Variants in MYOT observed in about 807,000 individuals in gnomAD.
MYOT encodes the protein myotilin.
In MYOT, 36 loss-of-function variants were observed where a neutral mutation model predicts 58.0. The ratio of observed to expected loss-of-function variants is 0.62; its 90% confidence interval spans 0.48 to 0.82. The LOEUF (loss-of-function observed/expected upper bound fraction) is 0.82. MYOT is among the 40% of genes least tolerant of loss of function. MYOT has a pLI of 0.00. For missense variants in MYOT, 505 were observed against 592.1 expected, an observed-to-expected ratio of 0.85 and a Z score of 1.53; for synonymous variants, 218 against 204.6, an observed-to-expected ratio of 1.07 and a Z score of -0.56.
Position 137,887,472 on chromosome 5 carries a change from T to A in MYOT, c.*87T>A. The A allele has an allele frequency of 7.9e-7, 1 of 1,258,628 alleles. No homozygotes were observed. The highest frequency in any genetic ancestry group is 1.1e-6 in the Non-Finnish European group (1 of 878,056). 78.0% of individuals were successfully genotyped at this position (1,258,628 alleles called of 1,614,324 possible). ...TTTTGAAATTAATCCATAGCTGTAT[T>A]AACAGATTATGGTTTTAATTAGGTA... On this transcript the variant is annotated 3_prime_UTR_variant, in exon 10 of 10. Coordinates refer to ENST00000239926, the MANE Select transcript of MYOT (RefSeq NM_006790.3).
Position 137,880,820 on chromosome 5 carries a change from A to G in MYOT, c.638A>G (p.His213Arg). The stretch of plus-strand genomic sequence containing the variant: ...TTACTTTGTTTTAATTTCAAGCAAC[A>G]CAACTCAGAACATGCGCGACTGCAA... ...DDSGAQDSQQHNSEHARLQVP... is the reference protein window; with the variant it reads ...DDSGAQDSQQRNSEHARLQVP... Residue 213 changes from histidine (H) to arginine (R), a missense_variant, in exon 5 of 10, where the codon CAC becomes CGC. Physicochemically the swap from His to Arg is conservative, Grantham distance 29 (BLOSUM62 0). Transcript: ENST00000239926. 1 of 1,612,566 alleles carries G rather than the reference A, an allele frequency of 6.2e-7. No individual in the cohort carries two copies. Among genetic ancestry groups the G allele is most frequent in the Non-Finnish European group, 8.5e-7 (1 of 1,178,716 alleles).
At chr5:137,879,379 T>C (rs976628607) in intron 4 of MYOT, among the ~76,000 whole-genome samples, 1 of 152,190 alleles carries the variant, frequency 6.6e-6, no homozygotes, top group Non-Finnish European at 1.5e-5. Context: ...AATTCGTTCA[T>C]TCAACTAATT....
chr5:137,874,556 T>C (rs982162119), intron 2 of MYOT, among the ~76,000 whole-genome samples: 1 of 152,170 alleles, frequency 6.6e-6, no homozygotes, highest in African/African-American at 2.4e-5. Context: ...AGCACTGTGA[T>C]ACATTTAAGC....
At chr5:137,871,159 C>T in intron 2 of MYOT, 152 bp downstream of exon 2, 1 of 735,300 alleles carries the variant, frequency 1.4e-6, no homozygotes, top group Non-Finnish European at 2.3e-6. Flanking sequence ...TCTACTAGAA[C>T]ATGCTGAACC....
chr5:137,880,116 G>A (rs79536270), intron 4 of MYOT, among the ~76,000 whole-genome samples: 2,696 of 152,298 alleles, frequency 0.018, 59 homozygotes, highest in African/African-American at 0.059. Flanking sequence ...GCTAAGCACA[G>A]TGAAACGCAA....
intron 5 of MYOT, among the ~76,000 whole-genome samples, chr5:137,881,105 T>C (rs577720504): frequency 6.3e-4 from 96 of 152,298 alleles, no homozygotes; most frequent in Non-Finnish European, 1.1e-3. Context: ...TTAAACAATT[T>C]TCTCATGACA....
intron 7 of MYOT, among the ~76,000 whole-genome samples, chr5:137,885,771 C>CAAAAAAAAAAA (rs71583286): frequency 1.3e-4 from 4 of 30,974 alleles, no homozygotes; most frequent in African/African-American, 2.1e-4. Flanking sequence ...GACTCTGTCT[C>CAAAAAAAAAAA]AAAAAAAAAA....
intron 5 of MYOT, among the ~76,000 whole-genome samples, chr5:137,881,148 G>A (rs1755417332): frequency 1.3e-5 from 2 of 152,090 alleles, no homozygotes; most frequent in African/African-American, 4.8e-5. Context: ...ACAATCTTTG[G>A]TGGTAAGAAT....
chr5:137,887,441 A>T lies in MYOT; in HGVS notation c.*56A>T, dbSNP rs1361150809. The T allele has an allele frequency of 5.7e-6, 9 of 1,573,848 alleles. No individual in the cohort carries two copies. The highest frequency in any genetic ancestry group is 7.8e-6 in the Non-Finnish European group (9 of 1,147,068). ...TACACCATTAGTAATATATTTGATT[A>T]CATTTTTTTGAAATTAATCCATAGC... is the stretch of plus-strand genomic sequence containing the variant. On this transcript the variant is annotated 3_prime_UTR_variant, in exon 10 of 10. Coordinates refer to ENST00000239926, the MANE Select transcript of MYOT (RefSeq NM_006790.3).
chr5:137,876,091 C>A, intron 3 of MYOT, 88 bp downstream of exon 3: 1 of 1,316,266 alleles, frequency 7.6e-7, no homozygotes, highest in Non-Finnish European at 1.1e-6. Context: ...AGATCTAGGT[C>A]CATATATCAA....
In MYOT at chr5:137,886,939, T is replaced by A. The variant is rs760246681; in HGVS notation, c.1266T>A (p.Thr422=). The part of the protein sequence containing the change: ...DVNKKDAGWY[T]VSAVNEAGVT... ...ACAAGAAAGATGCTGGGTGGTATAC[T>A]GTGTCAGCAGTTAATGAAGCTGGAG... The change falls in exon 9 of 10, where the codon ACT becomes ACA. Residue 422 remains threonine, a synonymous_variant. Coordinates refer to ENST00000239926, the MANE Select transcript of MYOT (RefSeq NM_006790.3). The A allele has an allele frequency of 5.6e-6, 9 of 1,610,816 alleles. No individual in the cohort carries two copies. The highest frequency in any genetic ancestry group is 5.0e-5 in the Admixed American group (3 of 60,006).
rs377759571 is a variant in MYOT at position 137,883,373 on chromosome 5, T to C, written c.817-11T>C. Reference sequence around the variant, plus strand: ...TAAAATTCTGCCATCTCCTTGTGTTTTTCTTTCTAGGTGAGTGGACTGCCA... The same window carrying C: ...TAAAATTCTGCCATCTCCTTGTGTTCTTCTTTCTAGGTGAGTGGACTGCCA... On this transcript the variant is annotated splice_polypyrimidine_tract_variant and intron_variant, in intron 6 of 9. Transcript: ENST00000239926. 5.0e-5 allele frequency: 80 copies of C among 1,612,788 alleles called. No individual in the cohort carries two copies. Among genetic ancestry groups the C allele is most frequent in the Non-Finnish European group, 6.0e-5 (71 of 1,179,026 alleles).
At chr5:137,871,594 A>C (rs889320418) in intron 2 of MYOT, among the ~76,000 whole-genome samples, 2 of 152,232 alleles carry the variant, frequency 1.3e-5, no homozygotes, top group Non-Finnish European at 2.9e-5. Context: ...CAGAAGAAGG[A>C]AGGCCTGAAT....
chr5:137,870,456 A>G lies in MYOT; in HGVS notation c.-196A>G. On this transcript the variant is annotated 5_prime_UTR_variant, in exon 2 of 10. Coordinates refer to ENST00000239926, the MANE Select transcript of MYOT (RefSeq NM_006790.3). ...CCTTTTGAAGGAACAATATTCTTCA[A>G]GAGAAGGTCACTCTACCAAAGCCAG... 3.2e-6 allele frequency: 2 copies of G among 628,880 alleles called. No homozygotes were observed. Among genetic ancestry groups the G allele is most frequent in the Non-Finnish European group, 5.7e-6 (2 of 353,704 alleles). The allele number at this position is 628,880 out of a possible 1,614,324, so 39.0% of individuals were successfully genotyped here.
chr5:137,876,208 A>G (rs1755215474), intron 3 of MYOT: 1 of 578,078 alleles, frequency 1.7e-6, no homozygotes, highest in Non-Finnish European at 3.0e-6. Context: ...AAGCAAATGA[A>G]AAATGTATCT....
At chr5:137,875,212 G>A (rs1433944050) in intron 2 of MYOT, among the ~76,000 whole-genome samples, 1 of 152,102 alleles carries the variant, frequency 6.6e-6, no homozygotes, top group Non-Finnish European at 1.5e-5. Context: ...TGCAGCTTGA[G>A]GCCACTATCC....
In MYOT at chr5:137,870,819, A is replaced by G; in HGVS notation, c.168A>G (p.Ser56=). The G allele has an allele frequency of 1.2e-6, 2 of 1,614,094 alleles. No individual in the cohort carries two copies. Among genetic ancestry groups the G allele is most frequent in the Non-Finnish European group, 8.5e-7 (1 of 1,180,008 alleles). ...CAGAGCAAAGATTTTCTGCCTCCTC[A>G]ACACTGAGCTCTCACATCACCATGT... ...QCTEQRFSAS[S]TLSSHITMSS... The change falls in exon 2 of 10, where the codon TCA becomes TCG. Residue 56 remains serine (S), a synonymous_variant. Transcript: ENST00000239926.
intron 3 of MYOT, among the ~76,000 whole-genome samples, 193 bp from the exon 4 acceptor site, chr5:137,877,327 C>G (rs931333458): frequency 4.2e-5 from 6 of 143,460 alleles, no homozygotes; most frequent in Non-Finnish European, 9.0e-5. Context: ...GAGATTGTGC[C>G]ACTGCACTCC....
At position 137,877,577 on chromosome 5, in the gene MYOT, G is replaced by T. The variant is rs760573726; in HGVS notation, c.589G>T (p.Ala197Ser). ...RRLLGPQNAA[A>S]VFQAQDDSGA... Reference sequence around the variant, plus strand: ...ATTGCTAGGACCACAGAATGCAGCTGCTGTGTTTCAAGCTCAGGATGACAG... The same window carrying T: ...ATTGCTAGGACCACAGAATGCAGCTTCTGTGTTTCAAGCTCAGGATGACAG... Residue 197 changes from alanine (A) to serine (S), a missense_variant, in exon 4 of 10, where the codon GCT becomes TCT. By Grantham distance (99) the Ala-to-Ser change is moderately conservative. Coordinates refer to ENST00000239926, the MANE Select transcript of MYOT (RefSeq NM_006790.3). The T allele has an allele frequency of 6.2e-7, 1 of 1,613,998 alleles. No individual in the cohort carries two copies. The highest frequency in any genetic ancestry group is 1.7e-5 in the Admixed American group (1 of 60,006).
Sources: gnomAD v4.1 joint callset for allele counts (sites outside exome capture counted in the v4.1 genomes callset) on GRCh38, gnomAD v4.1.1 for gene constraint, MANE v1.5 for transcripts, NCBI Gene and HGNC (gene_info 2026-07-23, HGNC 2026-07-21) for gene names.